EGFR: variants seen among roughly 807,000 people sequenced by gnomAD.
EGFR encodes epidermal growth factor receptor, also known as avian erythroblastic leukemia viral (v-erb-b) oncogene homolog.
Under a neutral mutation model 143.0 loss-of-function variants are expected in EGFR, and 58 were observed. The observed-to-expected ratio is 0.41, with a 90% CI of 0.33 to 0.50. EGFR has a LOEUF of 0.50. Among genes scored for constraint, EGFR ranks in the 20% least tolerant of loss-of-function variants. The pLI is 0.39. For missense variants in EGFR, 1,307 were observed against 1,579.0 expected (o/e 0.83, Z 2.92); for synonymous variants, 613 against 594.4 (o/e 1.03, Z -0.45).
chr7:55,202,051 C>A (rs952309574), intron 26 of EGFR, among the ~76,000 whole-genome samples: 1 of 152,118 alleles, frequency 6.6e-6, no homozygotes, highest in African/African-American at 2.4e-5. Flanking sequence ...GGGGGTGGCA[C>A]CCAGTAGTCT....
intron 1 of EGFR, among the ~76,000 whole-genome samples, chr7:55,091,581 A>G (rs1267992137): frequency 1.3e-5 from 2 of 152,182 alleles, no homozygotes; most frequent in Non-Finnish European, 2.9e-5. Context: ...GGGAGAGTTG[A>G]ATAAGTTGAG....
chr7:55,084,373 G>A (rs761589510), intron 1 of EGFR, among the ~76,000 whole-genome samples: 1 of 152,320 alleles, frequency 6.6e-6, no homozygotes, highest in Non-Finnish European at 1.5e-5. Flanking sequence ...GGCCCAGTGG[G>A]AAAGCATGTG....
chr7:55,201,675 G>A (rs2128972385), intron 25 of EGFR, 60 bp from the exon 26 acceptor site: 1 of 1,603,164 alleles, frequency 6.2e-7, no homozygotes, highest in Non-Finnish European at 8.5e-7. Flanking sequence ...CTGCATTCAG[G>A]AAAAGTGGAT....
chr7:55,122,551 G>A (rs766386667), intron 1 of EGFR, among the ~76,000 whole-genome samples: 29 of 152,252 alleles, frequency 1.9e-4, no homozygotes, highest in Non-Finnish European at 4.0e-4. Flanking sequence ...GGCAGCAGCC[G>A]TTCCAACCTG....
chr7:55,111,288 G>A (rs1286121612), intron 1 of EGFR, among the ~76,000 whole-genome samples: 1 of 151,928 alleles, frequency 6.6e-6, no homozygotes, highest in Non-Finnish European at 1.5e-5. Context: ...AATCAGCCAG[G>A]GTATGATTTG....
At chr7:55,054,055 C>G (rs944735957) in intron 1 of EGFR, among the ~76,000 whole-genome samples, 1 of 150,178 alleles carries the variant, frequency 6.7e-6, no homozygotes, top group Non-Finnish European at 1.5e-5. Flanking sequence ...AATGGCTGAG[C>G]GTGGTAGATG....
intron 19 of EGFR, chr7:55,181,088 G>A (rs1383665358): frequency 4.6e-6 from 3 of 647,750 alleles, no homozygotes; most frequent in African/African-American, 1.8e-5. Context: ...CACCCAGGAG[G>A]GGCCCTCTCC....
intron 1 of EGFR, among the ~76,000 whole-genome samples, chr7:55,054,647 T>A (rs1326853416): frequency 6.6e-6 from 1 of 152,168 alleles, no homozygotes; most frequent in East Asian, 1.9e-4. Flanking sequence ...AGCAAGACAC[T>A]CTCTCTGAAC....
intron 1 of EGFR, among the ~76,000 whole-genome samples, chr7:55,091,120 C>G (rs1791083033): frequency 6.6e-6 from 1 of 152,094 alleles, no homozygotes; most frequent in Admixed American, 6.6e-5. Flanking sequence ...TATTTTCACC[C>G]CAATTTCTAA....
chr7:55,112,185 G>C (rs143394620), intron 1 of EGFR, among the ~76,000 whole-genome samples: 1 of 152,228 alleles, frequency 6.6e-6, no homozygotes, highest in African/African-American at 2.4e-5. Context: ...TGCAGTCGGC[G>C]TCTCACCCCT....
At chr7:55,167,351 A>G (rs112553119) in intron 15 of EGFR, among the ~76,000 whole-genome samples, 190 of 87,790 alleles carry the variant, frequency 2.2e-3, no homozygotes, top group Admixed American at 4.8e-3. Flanking sequence ...GGGAGTCACA[A>G]TGGTGGTGGT....
rs111066321 is a variant in EGFR at position 55,203,718 on chromosome 7, G to A, written c.3271+1093G>A. 8.0e-3 allele frequency among the ~76,000 whole-genome samples: 969 copies of A among 121,608 alleles called. 10 individuals carry two copies. The highest frequency in any genetic ancestry group is 0.027 in the African/African-American group (914 of 33,876). 79.8% of individuals were successfully genotyped at this position (121,608 alleles called of 152,430 possible). ...ATACACGCACCACACATACACACAC[G>A]TAGACACACCACACACACCACAGAA... On this transcript the variant is annotated intron_variant, in intron 27 of 27. Transcript: ENST00000275493.
chr7:55,026,195 C>T (rs563406250), intron 1 of EGFR, among the ~76,000 whole-genome samples: 4 of 152,244 alleles, frequency 2.6e-5, no homozygotes, highest in South Asian at 2.1e-4. Context: ...TAGCTCGTAA[C>T]GAAAGAAATC....
intron 3 of EGFR, 22 bp from the exon 4 acceptor site, chr7:55,146,584 C>A (rs767405339): frequency 3.6e-5 from 58 of 1,613,832 alleles, no homozygotes; most frequent in Non-Finnish European, 4.6e-5. Context: ...AGAGTGCTCA[C>A]CGCAGTTCCA....
Position 55,181,944 on chromosome 7 carries a change from C to T in EGFR, c.2469+466C>T, listed in dbSNP as rs1399588531. ...GGAGGTGCAAGGAGCTGACAGAGGG[C>T]GCAGCTGCTGCTGCTATGTGGCTGG... On this transcript the variant is annotated intron_variant, in intron 20 of 27. Coordinates refer to ENST00000275493, the MANE Select transcript of EGFR (RefSeq NM_005228.5). The T allele has an allele frequency of 1.2e-5, 3 of 248,684 alleles. No homozygotes were observed. In the East Asian group the frequency reaches 3.1e-4, roughly 26 times the overall value. 15.4% of individuals were successfully genotyped at this position (248,684 alleles called of 1,614,324 possible). A position where few individuals can be genotyped will look rare whatever the true frequency, so the allele number is the denominator to read the frequency against.
rs189172395 is a variant in EGFR, at chr7:55,093,113, T to C, written c.89-49173T>C. The stretch of plus-strand genomic sequence containing the variant: ...AGGCTTTGAAAACTCAGCCTATGTT[T>C]GTCTTGATTTCCTTAACTGACATCT... On this transcript the variant is annotated intron_variant, in intron 1 of 27. Transcript: ENST00000275493. 3.7e-3 allele frequency among the ~76,000 whole-genome samples: 562 copies of C among 152,336 alleles called. 1 individual carries two copies. Among genetic ancestry groups the C allele is most frequent in the Middle Eastern group, 6.8e-3 (2 of 294 alleles).
intron 1 of EGFR, among the ~76,000 whole-genome samples, chr7:55,021,295 C>T (rs1293490842): frequency 1.3e-5 from 2 of 152,190 alleles, no homozygotes; most frequent in Non-Finnish European, 2.9e-5. Flanking sequence ...ACTGCCGGTC[C>T]TGTTAGTCAG....
chr7:55,190,669 G>A (rs904992864), intron 20 of EGFR, among the ~76,000 whole-genome samples: 4 of 152,224 alleles, frequency 2.6e-5, no homozygotes, highest in Non-Finnish European at 4.4e-5. Flanking sequence ...ACCGCAGCAA[G>A]CATTTCTGTC....
chr7:55,152,596 TC>T lies in EGFR; in HGVS notation c.684del (p.Ser229ValfsTer51). On this transcript the variant is annotated frameshift_variant, in exon 6 of 28. Transcript: ENST00000275493. LOFTEE classifies it high-confidence loss of function. ...QQCSGRCRGK[S>X]PSDCCHNQCA... ...GTGCTCCGGGCGCTGCCGTGGCAAG[TC>T]CCCCAGTGACTGCTGCCACAACCAG... The T allele has an allele frequency of 6.2e-7, 1 of 1,613,766 alleles. No homozygotes were observed. Among genetic ancestry groups the T allele is most frequent in the Non-Finnish European group, 8.5e-7 (1 of 1,180,034 alleles).
Sources: allele counts gnomAD v4.1 joint callset (sites outside exome capture counted in the v4.1 genomes callset), GRCh38; gene constraint gnomAD v4.1.1; transcripts MANE v1.5; gene names NCBI Gene and HGNC (gene_info 2026-07-23, HGNC 2026-07-21).